The following EDA variants were observed in gnomAD, a reference collection of about 807,000 sequenced individuals.
EDA encodes the protein ectodysplasin A.
In EDA, 2 loss-of-function variants were observed where a neutral mutation model predicts 23.6. The observed-to-expected ratio is 0.08, with a 90% CI of 0.03 to 0.27. EDA has a LOEUF of 0.27. EDA is among the 10% of genes least tolerant of loss of function. The pLI, the probability that EDA is intolerant of heterozygous loss-of-function variation, is 1.00. For synonymous variants in EDA, 131 were observed against 132.0 expected (o/e 0.99, Z 0.05); for missense variants, 229 against 324.2 (o/e 0.71, Z 2.26).
At chrX:69,752,933 C>T (rs1283524598) in intron 1 of EDA, among the ~76,000 whole-genome samples, 1 of 111,579 alleles carries the variant, frequency 9.0e-6, no homozygotes, top group African/African-American at 3.3e-5. Flanking sequence ...TCTCCTTTAT[C>T]ATTTTTTATT....
rs34027538 is a variant in EDA at position 69,680,100 on chromosome X, G to C, written c.396+63396G>C. On this transcript the variant is annotated intron_variant, in intron 1 of 7. Transcript: ENST00000374552. ...TGTACCCAGTAGTCATTCAGGAGCA[G>C]GTTGTTCAGTTTCCATGTAGTTGAG... 4.9e-3 allele frequency among the ~76,000 whole-genome samples: 525 copies of C among 107,118 alleles called. 3 individuals carry two copies. The highest frequency in any genetic ancestry group is 0.024 in the South Asian group (57 of 2,385). The allele number at this position is 107,118 out of a possible 115,157, so 93.0% of individuals were successfully genotyped here.
intron 1 of EDA, among the ~76,000 whole-genome samples, chrX:69,712,873 A>G (rs1165939306): frequency 9.0e-6 from 1 of 111,212 alleles, no homozygotes; most frequent in African/African-American, 3.3e-5. Flanking sequence ...ATGGAATACT[A>G]TGCAGCCATA....
intron 2 of EDA, among the ~76,000 whole-genome samples, chrX:69,999,352 C>T (rs775969530): frequency 9.0e-6 from 1 of 111,307 alleles, no homozygotes; most frequent in East Asian, 2.8e-4. Flanking sequence ...GTGGCTCACG[C>T]CTGTAATCCC....
At chrX:69,918,726 A>G (rs920300474) in intron 1 of EDA, among the ~76,000 whole-genome samples, 4 of 111,803 alleles carry the variant, frequency 3.6e-5, no homozygotes, top group Non-Finnish European at 7.5e-5. Flanking sequence ...GTTTGAAAAA[A>G]AATCTCTGGG....
Position 70,035,570 on chromosome X carries a change from C to T in EDA, c.1137C>T (p.Phe379=), listed in dbSNP as rs780582849. 7.4e-6 allele frequency: 9 copies of T among 1,208,832 alleles called. No homozygotes were observed. The Admixed American group carries it at 1.8e-4, about 24-fold the overall frequency. The change falls in exon 8 of 8, where the codon TTC becomes TTT. Residue 379 remains phenylalanine, a synonymous_variant. Transcript: ENST00000374552. Reference sequence around the variant, plus strand: ...TCAACATGAGCAAGCACACCACGTTCTTTGGGGCCATCAGGCTGGGTGAAG... The same window carrying T: ...TCAACATGAGCAAGCACACCACGTTTTTTGGGGCCATCAGGCTGGGTGAAG... The part of the protein sequence containing the change: ...ISINMSKHTT[F]FGAIRLGEAP...
chrX:69,637,453 C>T (rs747155989), intron 1 of EDA, among the ~76,000 whole-genome samples: 5 of 111,553 alleles, frequency 4.5e-5, no homozygotes, highest in African/African-American at 6.5e-5. Context: ...TATGCTGCTT[C>T]AGGCTGTTTA....
At chrX:69,929,754 G>GTGTGTGT (rs2018573474) in intron 1 of EDA, among the ~76,000 whole-genome samples, 1 of 94,311 alleles carries the variant, frequency 1.1e-5, no homozygotes, top group East Asian at 3.2e-4. Context: ...GTGTGTGTGT[G>GTGTGTGT]ATGTATAATG....
chrX:69,689,870 G>A (rs916431518), intron 1 of EDA, among the ~76,000 whole-genome samples: 3 of 111,611 alleles, frequency 2.7e-5, no homozygotes, highest in Non-Finnish European at 5.6e-5. Flanking sequence ...TTCAGTATAA[G>A]TTCTACACAT....
chrX:69,723,708 A>C (rs1446701940), intron 1 of EDA, among the ~76,000 whole-genome samples: 2 of 111,847 alleles, frequency 1.8e-5, no homozygotes, highest in Admixed American at 1.9e-4. Flanking sequence ...ATAATTCTGG[A>C]ACCTCCCAAA....
chrX:69,667,461 C>T (rs989558004), intron 1 of EDA, among the ~76,000 whole-genome samples: 3 of 110,882 alleles, frequency 2.7e-5, no homozygotes, highest in African/African-American at 9.8e-5. Context: ...CTTTCACTTT[C>T]ATTCTATTTG....
At chrX:69,835,185 T>C (rs968977685) in intron 1 of EDA, among the ~76,000 whole-genome samples, 7 of 93,735 alleles carry the variant, frequency 7.5e-5, no homozygotes, top group Non-Finnish European at 1.1e-4. Context: ...CTGACAATTA[T>C]GTGCCTTGGG....
At chrX:69,675,550 C>T (rs1934050191) in intron 1 of EDA, among the ~76,000 whole-genome samples, 1 of 110,397 alleles carries the variant, frequency 9.1e-6, no homozygotes. Flanking sequence ...ATTAGTTGCC[C>T]TGCTATATGA....
intron 1 of EDA, among the ~76,000 whole-genome samples, chrX:69,665,660 T>C (rs1163593808): frequency 9.0e-6 from 1 of 111,484 alleles, no homozygotes; most frequent in East Asian, 2.8e-4. Context: ...TTCACTGGTC[T>C]ATGTGTCTGT....
intron 1 of EDA, among the ~76,000 whole-genome samples, chrX:69,839,559 T>A (rs902120522): frequency 2.7e-5 from 3 of 112,643 alleles, no homozygotes; most frequent in Non-Finnish European, 5.6e-5. Flanking sequence ...TATTTCCTTT[T>A]GAAAACATTC....
intron 1 of EDA, among the ~76,000 whole-genome samples, chrX:69,913,537 G>A (rs186612439): frequency 8.9e-6 from 1 of 112,651 alleles, no homozygotes; most frequent in East Asian, 2.8e-4. Context: ...TTAAAGAAAT[G>A]TTGTAGCTGG....
intron 1 of EDA, among the ~76,000 whole-genome samples, chrX:69,627,594 C>T (rs1030324717): frequency 5.4e-5 from 6 of 111,548 alleles, no homozygotes; most frequent in Admixed American, 1.9e-4. Context: ...TGATGCTCAT[C>T]TCCATTTGAG....
chrX:69,849,685 C>T (rs1462460283), intron 1 of EDA, among the ~76,000 whole-genome samples: 1 of 112,090 alleles, frequency 8.9e-6, no homozygotes, highest in Non-Finnish European at 1.9e-5. Context: ...TCTTGCTCCA[C>T]TCTTATTATT....
At chrX:69,713,677 A>C (rs866747931) in intron 1 of EDA, among the ~76,000 whole-genome samples, 73 of 111,761 alleles carry the variant, frequency 6.5e-4, no homozygotes, top group African/African-American at 2.2e-3. Flanking sequence ...AATCCATCCA[A>C]ATTGTTGTGT....
At chrX:69,882,746 A>G (rs1335199158) in intron 1 of EDA, among the ~76,000 whole-genome samples, 1 of 110,738 alleles carries the variant, frequency 9.0e-6, no homozygotes, top group African/African-American at 3.3e-5. Context: ...CTTGTTGCAC[A>G]GGCTGGAGTG....
Sources: gnomAD v4.1 joint callset for allele counts (sites outside exome capture counted in the v4.1 genomes callset) on GRCh38, gnomAD v4.1.1 for gene constraint, MANE v1.5 for transcripts, NCBI Gene and HGNC (gene_info 2026-07-23, HGNC 2026-07-21) for gene names.